ERBIN: variants seen among roughly 807,000 people sequenced by gnomAD.
ERBIN encodes the protein erbb2 interacting protein.
A neutral mutation model predicts 158.4 loss-of-function variants in ERBIN; 60 were observed. The observed-to-expected ratio is 0.38, with a 90% CI of 0.31 to 0.47. ERBIN has a LOEUF of 0.47. ERBIN is among the 20% of genes least tolerant of loss of function. ERBIN has a pLI of 0.99. For missense variants in ERBIN, 1,610 were observed against 1,648.0 expected, an observed-to-expected ratio of 0.98 and a Z score of 0.40; for synonymous variants, 594 against 557.2, an observed-to-expected ratio of 1.07 and a Z score of -0.93.
intron 1 of ERBIN, among the ~76,000 whole-genome samples, chr5:65,929,099 CTT>C (rs1743041271): frequency 6.6e-6 from 1 of 152,150 alleles, no homozygotes; most frequent in Admixed American, 6.5e-5. Flanking sequence ...CTATTGTAAA[CTT>C]TATGTATAAA....
chr5:65,965,380 T>G (rs1211482858), intron 1 of ERBIN, among the ~76,000 whole-genome samples: 2 of 122,490 alleles, frequency 1.6e-5, no homozygotes, highest in African/African-American at 3.7e-5. Context: ...TTGTTTTTTG[T>G]TGTTTTTTTT....
intron 21 of ERBIN, among the ~76,000 whole-genome samples, chr5:66,062,413 C>G (rs1032612643): frequency 2.0e-5 from 3 of 152,158 alleles, no homozygotes; most frequent in African/African-American, 7.2e-5. Flanking sequence ...AAGGACTTCT[C>G]TGCATTGGTT....
chr5:65,949,907 A>G (rs1561284539), intron 1 of ERBIN, among the ~76,000 whole-genome samples: 1 of 152,126 alleles, frequency 6.6e-6, no homozygotes, highest in Non-Finnish European at 1.5e-5. Flanking sequence ...CCTGGCCTCA[A>G]ATGATCCTCC....
At chr5:65,962,914 A>G (rs1326237494) in intron 1 of ERBIN, among the ~76,000 whole-genome samples, 1 of 152,164 alleles carries the variant, frequency 6.6e-6, no homozygotes, top group Non-Finnish European at 1.5e-5. Context: ...TTGATTTGTA[A>G]TTCTTACAGT....
chr5:65,942,741 A>G (rs1745211157), intron 1 of ERBIN, among the ~76,000 whole-genome samples: 1 of 152,146 alleles, frequency 6.6e-6, no homozygotes, highest in African/African-American at 2.4e-5. Flanking sequence ...CTTGGCCAAC[A>G]TGGTGAAACT....
At chr5:65,933,303 T>C (rs1743668685) in intron 1 of ERBIN, among the ~76,000 whole-genome samples, 1 of 152,224 alleles carries the variant, frequency 6.6e-6, no homozygotes, top group Admixed American at 6.5e-5. Flanking sequence ...CTCTACTGTA[T>C]TGGTCATTTA....
rs1341940046 is a variant in ERBIN at position 65,994,733 on chromosome 5, C to T, written c.190-14C>T. ...TGTATATAATTGACATTCTTTCCTCCCTTTTTTCAATAGCAACTTTTTAAC... is the reference window on the plus strand; with the variant it reads ...TGTATATAATTGACATTCTTTCCTCTCTTTTTTCAATAGCAACTTTTTAAC... On this transcript the variant is annotated splice_polypyrimidine_tract_variant and intron_variant, in intron 3 of 25. Coordinates refer to ENST00000284037, the MANE Select transcript of ERBIN (RefSeq NM_001253697.2). 7 of 1,445,418 alleles carry T rather than the reference C, an allele frequency of 4.8e-6. No homozygotes were observed. The highest frequency in any genetic ancestry group is 6.7e-6 in the Non-Finnish European group (7 of 1,046,146). The allele number at this position is 1,445,418 out of a possible 1,614,324, so 89.5% of individuals were successfully genotyped here.
chr5:66,029,527 A>G (rs1170814585), intron 14 of ERBIN, among the ~76,000 whole-genome samples: 1 of 152,082 alleles, frequency 6.6e-6, no homozygotes, highest in Non-Finnish European at 1.5e-5. Flanking sequence ...GATTCTTCAT[A>G]GTTTTTAACT....
At chr5:65,934,234 C>G (rs1743799559) in intron 1 of ERBIN, among the ~76,000 whole-genome samples, 1 of 152,148 alleles carries the variant, frequency 6.6e-6, no homozygotes, top group African/African-American at 2.4e-5. Flanking sequence ...TTCCTACAAA[C>G]AAGGATATTC....
intron 4 of ERBIN, among the ~76,000 whole-genome samples, chr5:66,009,443 CAT>C (rs1245379918): frequency 6.6e-6 from 1 of 152,128 alleles, no homozygotes; most frequent in Non-Finnish European, 1.5e-5. Flanking sequence ...TGAATAGTAA[CAT>C]GTACTTAAAG....
chr5:66,051,762 G>A (rs766885623), intron 20 of ERBIN, among the ~76,000 whole-genome samples: 12 of 152,062 alleles, frequency 7.9e-5, no homozygotes, highest in Non-Finnish European at 1.6e-4. Flanking sequence ...ATGTGTGGTG[G>A]CATGTGCCTG....
intron 1 of ERBIN, among the ~76,000 whole-genome samples, chr5:65,928,011 A>G (rs896104178): frequency 1.3e-5 from 2 of 152,168 alleles, no homozygotes; most frequent in East Asian, 3.8e-4. Flanking sequence ...TCCTAAATAT[A>G]TATTGATGTT....
chr5:66,055,544 G>A (rs944173341), intron 21 of ERBIN, among the ~76,000 whole-genome samples: 8 of 152,032 alleles, frequency 5.3e-5, no homozygotes, highest in African/African-American at 1.4e-4. Flanking sequence ...ACTAATGCTC[G>A]TGTTCAATTT....
At position 66,053,641 on chromosome 5, in the gene ERBIN, A is replaced by G; in HGVS notation, c.2323A>G (p.Thr775Ala). Reference sequence around the variant, plus strand: ...TCTTAATAAACTTATAACTAATGATACATTTCAACCAGAGATCATGGAAAG... The same window carrying G: ...TCTTAATAAACTTATAACTAATGATGCATTTCAACCAGAGATCATGGAAAG... Reference protein sequence around the residue: ...MNLNKLITNDTFQPEIMERSK... With the variant: ...MNLNKLITNDAFQPEIMERSK... The change falls in exon 21 of 26, where the codon ACA becomes GCA. Residue 775 changes from threonine to alanine, a missense_variant. Transcript: ENST00000284037. 1 of 1,612,802 alleles carries G rather than the reference A, an allele frequency of 6.2e-7. No homozygotes were observed. The highest frequency in any genetic ancestry group is 8.5e-7 in the Non-Finnish European group (1 of 1,179,602).
chr5:66,003,506 G>A (rs1041799545), intron 4 of ERBIN, among the ~76,000 whole-genome samples: 2 of 152,140 alleles, frequency 1.3e-5, no homozygotes, highest in African/African-American at 4.8e-5. Context: ...GATTAGAGTA[G>A]AACTAAAGCT....
chr5:66,071,309 C>G (rs188359000), intron 21 of ERBIN, among the ~76,000 whole-genome samples: 1 of 152,064 alleles, frequency 6.6e-6, no homozygotes, highest in South Asian at 2.1e-4. Flanking sequence ...GTCGAGGCTG[C>G]GGTGAGCCTT....
At chr5:66,071,798 T>C (rs745718317) in intron 21 of ERBIN, among the ~76,000 whole-genome samples, 1 of 151,888 alleles carries the variant, frequency 6.6e-6, no homozygotes, top group East Asian at 1.9e-4. Flanking sequence ...TCTTAAAATT[T>C]GAGACTCTAA....
At position 66,013,561 on chromosome 5, in the gene ERBIN, A is replaced by G; in HGVS notation, c.399A>G (p.Gly133=). 1 of 1,610,732 alleles carries G rather than the reference A, an allele frequency of 6.2e-7. No homozygotes were observed. Reference sequence around the variant, plus strand: ...GTATTTTATGTAGGCTCCCTGATGGATTTTCTCAGCTGTTAAACCTAACCC... The same window carrying G: ...GTATTTTATGTAGGCTCCCTGATGGGTTTTCTCAGCTGTTAAACCTAACCC... ...SVNPISKLPD[G]FSQLLNLTQL... Residue 133 remains glycine, a synonymous_variant, in exon 6 of 26, where the codon GGA becomes GGG. Coordinates refer to ENST00000284037, the MANE Select transcript of ERBIN (RefSeq NM_001253697.2).
rs1003243124 is a variant in ERBIN, at chr5:66,064,291, G to C, written c.3634-7878G>C. Among the ~76,000 whole-genome samples the C allele has an allele frequency of 3.9e-5, 6 of 152,286 alleles. No individual in the cohort carries two copies. In the East Asian group the frequency reaches 7.7e-4, roughly 20 times the overall value. On this transcript the variant is annotated intron_variant, in intron 21 of 25. Transcript: ENST00000284037. ...AGGAGTTCAACCTGGTTGAATTAAA[G>C]ATGTATTTTGAGAACATTTGATAAT...
Sources: gnomAD v4.1 joint callset for allele counts (sites outside exome capture counted in the v4.1 genomes callset) on GRCh38, gnomAD v4.1.1 for gene constraint, MANE v1.5 for transcripts, NCBI Gene and HGNC (gene_info 2026-07-23, HGNC 2026-07-21) for gene names.